Variants in ALDH1L1 observed in about 807,000 individuals in gnomAD.
The protein encoded by ALDH1L1 is aldehyde dehydrogenase 1 family member L1.
A neutral mutation model predicts 101.1 loss-of-function variants in ALDH1L1; 68 were observed. That is an observed-to-expected ratio of 0.67 (90% CI 0.55 to 0.82). The LOEUF (loss-of-function observed/expected upper bound fraction) is 0.82, where lower values mean the gene tolerates loss of function less well. Among genes scored for constraint, ALDH1L1 ranks in the 40% least tolerant of loss-of-function variants. ALDH1L1 has a pLI of 0.00. For missense variants in ALDH1L1, 1,087 were observed against 1,172.7 expected (o/e 0.93, Z 1.07); for synonymous variants, 486 against 470.8 (o/e 1.03, Z -0.42).
intron 20 of ALDH1L1, among the ~76,000 whole-genome samples, chr3:126,108,447 G>A (rs1945962087): frequency 6.6e-6 from 1 of 152,240 alleles, no homozygotes; most frequent in Non-Finnish European, 1.5e-5. Flanking sequence ...CCTGGTACAA[G>A]GCCTCCATCA....
At chr3:126,114,783 GC>G in intron 17 of ALDH1L1, 127 bp from the exon 18 acceptor site, 1 of 841,350 alleles carries the variant, frequency 1.2e-6, no homozygotes. Flanking sequence ...CCCGGCCAGT[GC>G]CTCCCCACTC....
At chr3:126,110,874 G>A (rs141731290) in intron 19 of ALDH1L1, among the ~76,000 whole-genome samples, 63 of 152,302 alleles carry the variant, frequency 4.1e-4, no homozygotes, top group Non-Finnish European at 8.4e-4. Context: ...GCAGCCTACT[G>A]AGCCTCCTGA....
At chr3:126,110,684 A>G (rs1576410973) in intron 19 of ALDH1L1, among the ~76,000 whole-genome samples, 1 of 152,004 alleles carries the variant, frequency 6.6e-6, no homozygotes, top group South Asian at 2.1e-4. Context: ...CACAGGTGTG[A>G]CTCGAGCACC....
At chr3:126,169,299 TTC>T (rs1222042882) in intron 1 of ALDH1L1, among the ~76,000 whole-genome samples, 1 of 152,246 alleles carries the variant, frequency 6.6e-6, no homozygotes, top group Non-Finnish European at 1.5e-5. Flanking sequence ...GCGTGTTTTT[TTC>T]TCTTTGCCTA....
intron 20 of ALDH1L1, 97 bp from the exon 21 acceptor site, chr3:126,107,343 G>A (rs888759135): frequency 1.7e-4 from 164 of 964,694 alleles, no homozygotes; most frequent in African/African-American, 8.2e-4. Context: ...AGCCACCTGC[G>A]GATGACCCGA....
At chr3:126,187,589 T>A (rs1396714617) in intron 1 of ALDH1L1, among the ~76,000 whole-genome samples, 1 of 151,994 alleles carries the variant, frequency 6.6e-6, no homozygotes, top group Non-Finnish European at 1.5e-5. Context: ...AAACTGCGCG[T>A]TTGAGACCCC....
At chr3:126,111,804 A>T (rs1391929215) in intron 19 of ALDH1L1, among the ~76,000 whole-genome samples, 1 of 152,194 alleles carries the variant, frequency 6.6e-6, no homozygotes, top group Non-Finnish European at 1.5e-5. Flanking sequence ...CACTGGGATT[A>T]GATGCTGCTC....
intron 13 of ALDH1L1, among the ~76,000 whole-genome samples, chr3:126,130,839 G>A (rs1052539380): frequency 2.6e-5 from 4 of 152,238 alleles, no homozygotes; most frequent in Admixed American, 1.3e-4. Context: ...AACTGATGGC[G>A]GGAGCCTGAA....
At chr3:126,114,491 G>T (rs2108192824) in intron 18 of ALDH1L1, 66 bp downstream of exon 18, 1 of 1,286,642 alleles carries the variant, frequency 7.8e-7, no homozygotes, top group Non-Finnish European at 1.0e-6. Flanking sequence ...CAGAGACAGG[G>T]CCTCCTGGTC....
At chr3:126,115,016 A>T (rs1420367379) in intron 17 of ALDH1L1, 1 of 459,934 alleles carries the variant, frequency 2.2e-6, no homozygotes, top group Admixed American at 2.3e-5. Context: ...CCTCTACTGC[A>T]TGTTGACCTC....
At chr3:126,118,142 GC>G in intron 16 of ALDH1L1, 44 bp from the exon 17 acceptor site, 1 of 1,526,486 alleles carries the variant, frequency 6.6e-7, no homozygotes. Context: ...TCCCCCTGGT[GC>G]TGGGGAGGCA....
intron 9 of ALDH1L1, among the ~76,000 whole-genome samples, chr3:126,145,123 A>G (rs1278627373): frequency 4.6e-5 from 7 of 152,214 alleles, no homozygotes; most frequent in Admixed American, 4.6e-4. Flanking sequence ...AAAAACTACA[A>G]TGAGATACCA....
At chr3:126,167,425 T>C (rs1559970780) in intron 1 of ALDH1L1, among the ~76,000 whole-genome samples, 1 of 152,176 alleles carries the variant, frequency 6.6e-6, no homozygotes, top group Non-Finnish European at 1.5e-5. Context: ...TTGTCTTCAT[T>C]GTACAAACAT....
Position 126,103,645 on chromosome 3 carries a change from G to C in ALDH1L1, c.*146C>G. On this transcript the variant is annotated 3_prime_UTR_variant, in exon 23 of 23. Transcript: ENST00000393434. ...CAAGGGCTGCTTCTGACTGGACAGA[G>C]GGCGTCCAAGATGCAGACATGGTGT... is the stretch of plus-strand genomic sequence containing the variant. 5.0e-6 allele frequency: 4 copies of C among 800,048 alleles called. No individual in the cohort carries two copies. The Admixed American group carries it at 9.0e-5, about 18-fold the overall frequency. The allele number at this position is 800,048 out of a possible 1,614,324, so 49.6% of individuals were successfully genotyped here.
intron 1 of ALDH1L1, among the ~76,000 whole-genome samples, chr3:126,196,570 C>T (rs1318192072): frequency 2.0e-5 from 3 of 152,164 alleles, no homozygotes; most frequent in Non-Finnish European, 4.4e-5. Context: ...ATATTTCTGG[C>T]TTCTGAACTT....
intron 1 of ALDH1L1, among the ~76,000 whole-genome samples, chr3:126,163,292 A>G (rs1016515807): frequency 5.1e-4 from 77 of 152,266 alleles, no homozygotes; most frequent in African/African-American, 1.8e-3. Context: ...TTGTACACTG[A>G]CGTTGTATTA....
intron 1 of ALDH1L1, among the ~76,000 whole-genome samples, chr3:126,171,445 C>T (rs1230288977): frequency 6.7e-6 from 1 of 150,140 alleles, no homozygotes; most frequent in Non-Finnish European, 1.5e-5. Context: ...CATCCTGAAT[C>T]CTTAAAAACT....
chr3:126,158,612 G>A lies in ALDH1L1; in HGVS notation c.155C>T (p.Pro52Leu), dbSNP rs142194643. 461 of 1,613,404 alleles carry A rather than the reference G, an allele frequency of 2.9e-4. No individual in the cohort carries two copies. Among genetic ancestry groups the A allele is most frequent in the Non-Finnish European group, 3.6e-4 (424 of 1,179,378 alleles). ...LGLEAEKDGV[P>L]VFKYSRWRAK... ...ACGCCACCGGGAGTACTTGAATACC[G>A]GCACTCCATCCTTCTCAGCTTCCAG... is the stretch of plus-strand genomic sequence containing the variant. Residue 52 changes from proline to leucine, a missense_variant, in exon 3 of 23, where the codon CCG becomes CTG. Physicochemically the swap from Pro to Leu is moderately conservative, Grantham distance 98. Coordinates refer to ENST00000393434, the MANE Select transcript of ALDH1L1 (RefSeq NM_012190.4).
chr3:126,149,051 C>T (rs2080755866), intron 8 of ALDH1L1, among the ~76,000 whole-genome samples: 1 of 152,212 alleles, frequency 6.6e-6, no homozygotes, highest in African/African-American at 2.4e-5. Flanking sequence ...TAAAACCCCA[C>T]CCTTCCCGTT....
Sources: gnomAD v4.1 joint callset for allele counts (sites outside exome capture counted in the v4.1 genomes callset) on GRCh38, gnomAD v4.1.1 for gene constraint, MANE v1.5 for transcripts, NCBI Gene and HGNC (gene_info 2026-07-23, HGNC 2026-07-21) for gene names.